PRKDC: variants seen among roughly 807,000 people sequenced by gnomAD.
PRKDC encodes protein kinase, DNA-activated, catalytic subunit, also known as DNA-dependent protein kinase catalytic subunit.
In PRKDC, 82 loss-of-function variants were observed where a neutral mutation model predicts 486.9. The ratio of observed to expected loss-of-function variants is 0.17; its 90% confidence interval spans 0.14 to 0.20. PRKDC has a LOEUF of 0.20. Ranked by LOEUF, PRKDC falls within the 10% of genes least tolerant of loss-of-function variation. The pLI is 1.00. For missense variants in PRKDC, 4,504 were observed against 5,038.2 expected (o/e 0.89, Z 3.21); for synonymous variants, 1,895 against 1,837.0 (o/e 1.03, Z -0.81).
chr8:47,936,876 C>A (rs1217089241), intron 11 of PRKDC, among the ~76,000 whole-genome samples: 4 of 150,624 alleles, frequency 2.7e-5, no homozygotes, highest in Non-Finnish European at 5.9e-5. Flanking sequence ...CTGCCCACCT[C>A]AGCCTCCCAA....
intron 52 of PRKDC, among the ~76,000 whole-genome samples, chr8:47,850,935 G>C (rs2088389793): frequency 6.6e-6 from 1 of 152,118 alleles, no homozygotes; most frequent in African/African-American, 2.4e-5. Context: ...TCAGCCTCCC[G>C]AGTAGCTGGG....
chr8:47,838,050 C>T lies in PRKDC; in HGVS notation c.7554-631G>A, dbSNP rs185099793. ...ACTCGGGAGGCTGAGGCAGGAGAATCGCTTGAACCTAGGAGGCGGAGGTTG... is the reference window on the plus strand; with the variant it reads ...ACTCGGGAGGCTGAGGCAGGAGAATTGCTTGAACCTAGGAGGCGGAGGTTG... On this transcript the variant is annotated intron_variant, in intron 56 of 85. Coordinates refer to ENST00000314191, the MANE Select transcript of PRKDC (RefSeq NM_006904.7). Among the ~76,000 whole-genome samples the T allele has an allele frequency of 3.2e-4, 49 of 152,160 alleles. No individual in the cohort carries two copies. The East Asian group carries it at 8.1e-3, about 25-fold the overall frequency.
At chr8:47,797,675 C>T (rs571576519) in intron 73 of PRKDC, among the ~76,000 whole-genome samples, 39 of 152,384 alleles carry the variant, frequency 2.6e-4, no homozygotes, top group South Asian at 1.2e-3. Context: ...TGCACACAGA[C>T]AGAGCCCAAA....
chr8:47,908,153 G>A (rs999199125), intron 25 of PRKDC, among the ~76,000 whole-genome samples: 2 of 152,312 alleles, frequency 1.3e-5, no homozygotes, highest in Admixed American at 6.5e-5. Flanking sequence ...ACCATGACAC[G>A]CAGGGTCCTT....
chr8:47,828,438 G>T, intron 61 of PRKDC, 91 bp from the exon 62 acceptor site: 1 of 1,067,822 alleles, frequency 9.4e-7, no homozygotes, highest in South Asian at 1.7e-5. Flanking sequence ...AATACAAACT[G>T]TTGCAAACAC....
At position 47,803,424 on chromosome 8, in the gene PRKDC, G is replaced by A. The variant is rs1589707360; in HGVS notation, c.9804C>T (p.Thr3268=). The A allele has an allele frequency of 6.2e-7, 1 of 1,613,810 alleles. No individual in the cohort carries two copies. The highest frequency in any genetic ancestry group is 1.3e-5 in the African/African-American group (1 of 74,912). Residue 3268 remains threonine, a synonymous_variant, in exon 70 of 86, where the codon ACC becomes ACT. Transcript: ENST00000314191. ...LLKELHKESK[T]RDDWLVSWVQ... The stretch of plus-strand genomic sequence containing the variant: ...CCCAGCTCACCAGCCAATCGTCTCT[G>A]GTTTTTGACTCTTTATGCAGCTCCT...
intron 25 of PRKDC, among the ~76,000 whole-genome samples, chr8:47,907,628 G>T (rs978256611): frequency 2.8e-5 from 4 of 144,696 alleles, no homozygotes; most frequent in African/African-American, 5.2e-5. Flanking sequence ...TCTGACTCCC[G>T]GGTTCAAGTG....
intron 13 of PRKDC, among the ~76,000 whole-genome samples, chr8:47,935,390 C>G (rs2090331606): frequency 6.6e-6 from 1 of 151,976 alleles, no homozygotes; most frequent in Non-Finnish European, 1.5e-5. Flanking sequence ...GTCCCAGCTA[C>G]TCTGGAAGCT....
chr8:47,867,358 A>G (rs754273009), intron 40 of PRKDC, among the ~76,000 whole-genome samples: 4 of 152,212 alleles, frequency 2.6e-5, no homozygotes, highest in Non-Finnish European at 5.9e-5. Flanking sequence ...AAATTGAGTC[A>G]AAAGAAAAAA....
At chr8:47,883,950 A>G (rs2089278127) in intron 36 of PRKDC, among the ~76,000 whole-genome samples, 1 of 152,170 alleles carries the variant, frequency 6.6e-6, no homozygotes, top group Non-Finnish European at 1.5e-5. Flanking sequence ...GATCACTGTC[A>G]CTGACCCAGC....
At chr8:47,942,310 G>T (rs1290718270) in intron 10 of PRKDC, among the ~76,000 whole-genome samples, 1 of 152,220 alleles carries the variant, frequency 6.6e-6, no homozygotes, top group Non-Finnish European at 1.5e-5. Flanking sequence ...AGTGACTTCA[G>T]GGGGAACACA....
intron 51 of PRKDC, among the ~76,000 whole-genome samples, chr8:47,853,130 C>G (rs1241899946): frequency 6.6e-6 from 1 of 152,200 alleles, no homozygotes; most frequent in African/African-American, 2.4e-5. Flanking sequence ...CCTACTATAG[C>G]AGGACAAGGA....
chr8:47,919,211 G>A (rs2090035497), intron 21 of PRKDC, among the ~76,000 whole-genome samples: 2 of 152,130 alleles, frequency 1.3e-5, no homozygotes, highest in Admixed American at 6.5e-5. Context: ...ACAGCATATT[G>A]CACTTAGTTG....
chr8:47,795,440 C>G (rs1437190574), intron 73 of PRKDC, among the ~76,000 whole-genome samples: 2 of 151,496 alleles, frequency 1.3e-5, no homozygotes, highest in African/African-American at 4.9e-5. Flanking sequence ...CGGCCCACCT[C>G]GACCTCCCAA....
chr8:47,831,791 C>G, intron 60 of PRKDC, 23 bp downstream of exon 60: 1 of 1,609,454 alleles, frequency 6.2e-7, no homozygotes, highest in Non-Finnish European at 8.5e-7. Context: ...TCGTTCTGAT[C>G]AAATTCTTGA....
rs200445777 is a variant in PRKDC at position 47,782,452 on chromosome 8, G to A, written c.11322C>T (p.Ile3774=). ...VEQLFQVMNG[I]LAQDSACSQR... is the part of the protein sequence containing the mutation. ...GGCTGCAGGCGGAGTCTTGGGCCAG[G>A]ATCCCATTCATGACCTGGAAGAGCT... Residue 3774 remains isoleucine (I), a synonymous_variant, in exon 79 of 86, where the codon ATC becomes ATT. Transcript: ENST00000314191. The surrounding 1 kb of genome is among the most constrained non-coding windows in gnomAD (Gnocchi z 4.9). 6.0e-5 allele frequency: 96 copies of A among 1,594,588 alleles called. No individual in the cohort carries two copies. In the African/African-American group the frequency reaches 1.1e-3, roughly 19 times the overall value.
chr8:47,925,395 T>G (rs931927839), intron 21 of PRKDC, among the ~76,000 whole-genome samples: 1 of 152,216 alleles, frequency 6.6e-6, no homozygotes, highest in Non-Finnish European at 1.5e-5. Context: ...AGAAGGACAC[T>G]GTACAAAATA....
intron 1 of PRKDC, 73 bp downstream of exon 1, chr8:47,959,900 G>T (rs887197840): frequency 6.6e-7 from 1 of 1,508,146 alleles, no homozygotes; most frequent in African/African-American, 1.4e-5. Context: ...ACAGAGAAGC[G>T]CCGGGCTGCC....
intron 37 of PRKDC, 24 bp from the exon 38 acceptor site, chr8:47,881,544 G>A (rs2089217102): frequency 2.5e-6 from 3 of 1,221,262 alleles, no homozygotes; most frequent in African/African-American, 1.5e-5. Flanking sequence ...AAGAAAAACA[G>A]GACACATTTG....
Sources: gnomAD v4.1 joint callset for allele counts (sites outside exome capture counted in the v4.1 genomes callset) on GRCh38, gnomAD v4.1.1 for gene constraint, Gnocchi (gnomAD v3.1) non-coding constraint, MANE v1.5 for transcripts, NCBI Gene and HGNC (gene_info 2026-07-23, HGNC 2026-07-21) for gene names.